SOX5: variants seen among roughly 807,000 people sequenced by gnomAD.
SOX5 encodes the protein SRY-box transcription factor 5, also known as transcription factor SOX-5.
Under a neutral mutation model 92.0 loss-of-function variants are expected in SOX5, and 9 were observed. The observed-to-expected ratio is 0.10, with a 90% CI of 0.06 to 0.17. The LOEUF (loss-of-function observed/expected upper bound fraction) is 0.17, where lower values mean the gene tolerates loss of function less well. Among genes scored for constraint, SOX5 ranks in the 10% least tolerant of loss-of-function variants. SOX5 has a pLI of 1.00. For missense variants in SOX5, 642 were observed against 944.5 expected (o/e 0.68, Z 4.20); for synonymous variants, 344 against 336.3 (o/e 1.02, Z -0.25).
intron 1 of SOX5, among the ~76,000 whole-genome samples, chr12:24,457,603 C>A (rs972747414): frequency 6.6e-6 from 1 of 151,968 alleles, no homozygotes; most frequent in Non-Finnish European, 1.5e-5. Flanking sequence ...TTATGAGCAC[C>A]AATTGTTATA....
intron 6 of SOX5, 151 bp downstream of exon 6, chr12:23,734,533 T>C (rs1458886530): frequency 1.6e-6 from 1 of 611,902 alleles, no homozygotes; most frequent in Non-Finnish European, 2.8e-6. Flanking sequence ...AGACACCATT[T>C]GCAAGATTTC....
intron 4 of SOX5, among the ~76,000 whole-genome samples, chr12:24,079,163 G>A (rs1253521943): frequency 1.3e-5 from 2 of 151,126 alleles, no homozygotes; most frequent in East Asian, 3.9e-4. Flanking sequence ...AAAAAAAGTA[G>A]GGTGGATAGA....
chr12:23,996,332 A>G (rs1002683421), intron 4 of SOX5, among the ~76,000 whole-genome samples: 1 of 152,220 alleles, frequency 6.6e-6, no homozygotes, highest in African/African-American at 2.4e-5. Flanking sequence ...TAATAAAAAT[A>G]TGGAAATTTC....
intron 1 of SOX5, among the ~76,000 whole-genome samples, chr12:24,416,081 G>T (rs955507652): frequency 6.6e-6 from 1 of 152,186 alleles, no homozygotes; most frequent in Non-Finnish European, 1.5e-5. Flanking sequence ...GACAGTGGGT[G>T]GTCTCTCCTG....
At chr12:24,331,814 C>T (rs11047369) in intron 2 of SOX5, among the ~76,000 whole-genome samples, 1 of 123,388 alleles carries the variant, frequency 8.1e-6, no homozygotes, top group Non-Finnish European at 1.6e-5. Context: ...TGCCACTGCA[C>T]TCCAACCAGC....
At chr12:23,950,909 C>T (rs1228915529), upstream of SOX5, 2 of 1,534,210 alleles carry the variant, frequency 1.3e-6, no homozygotes, top group Admixed American at 3.9e-5. Flanking sequence ...CCGTGCACCG[C>T]AGCATCTGGT....
intron 8 of SOX5, among the ~76,000 whole-genome samples, chr12:23,611,006 A>G (rs2137737648): frequency 6.6e-6 from 1 of 152,298 alleles, no homozygotes; most frequent in Non-Finnish European, 1.5e-5. Flanking sequence ...CGAATCTTAA[A>G]TATTTGTTAT....
intron 2 of SOX5, among the ~76,000 whole-genome samples, chr12:24,298,881 G>T (rs1474354200): frequency 6.6e-6 from 1 of 150,964 alleles, no homozygotes; most frequent in African/African-American, 2.4e-5. Flanking sequence ...GAGTGAGAAA[G>T]TTAACCACAT....
chr12:23,857,111 T>C (rs1242834971), intron 2 of SOX5, among the ~76,000 whole-genome samples: 1 of 152,088 alleles, frequency 6.6e-6, no homozygotes, highest in Non-Finnish European at 1.5e-5. Flanking sequence ...TTACAGTGCA[T>C]ATACACACAC....
At chr12:23,555,657 G>A (rs1487881741) in intron 11 of SOX5, among the ~76,000 whole-genome samples, 1 of 152,110 alleles carries the variant, frequency 6.6e-6, no homozygotes, top group African/African-American at 2.4e-5. Flanking sequence ...TGAAAATAAG[G>A]CATGTGGCCA....
At chr12:24,288,588 T>C (rs944696490) in intron 2 of SOX5, among the ~76,000 whole-genome samples, 2 of 152,158 alleles carry the variant, frequency 1.3e-5, no homozygotes, top group African/African-American at 4.8e-5. Context: ...AACAGTTTGC[T>C]TATAAGAGTG....
At chr12:23,943,991 A>T (rs1944123894) in intron 1 of SOX5, among the ~76,000 whole-genome samples, 1 of 152,136 alleles carries the variant, frequency 6.6e-6, no homozygotes, top group African/African-American at 2.4e-5. Flanking sequence ...ATTAAGGTTC[A>T]GTGGTTCCAA....
chr12:24,313,835 A>G (rs1949442612), intron 2 of SOX5, among the ~76,000 whole-genome samples: 1 of 152,228 alleles, frequency 6.6e-6, no homozygotes, highest in South Asian at 2.1e-4. Flanking sequence ...CTGGATATTT[A>G]ATAGGAATGG....
intron 3 of SOX5, among the ~76,000 whole-genome samples, chr12:23,778,276 T>C (rs529004420): frequency 3.2e-4 from 48 of 152,320 alleles, no homozygotes; most frequent in Non-Finnish European, 6.0e-4. Flanking sequence ...ACTAAAAGAA[T>C]AGTTGCTATT....
chr12:23,808,768 C>A (rs1020723278), intron 3 of SOX5, among the ~76,000 whole-genome samples: 1 of 152,078 alleles, frequency 6.6e-6, no homozygotes, highest in Admixed American at 6.5e-5. Flanking sequence ...TCCCCTGACA[C>A]TTAGAATGTC....
chr12:24,172,119 T>C (rs1288947717), intron 4 of SOX5, among the ~76,000 whole-genome samples: 2 of 152,020 alleles, frequency 1.3e-5, no homozygotes, highest in Non-Finnish European at 2.9e-5. Context: ...GTCTGTGTGC[T>C]GTAAGCAGGC....
intron 1 of SOX5, among the ~76,000 whole-genome samples, chr12:24,413,266 CTT>C (rs1486176464): frequency 6.6e-6 from 1 of 152,172 alleles, no homozygotes; most frequent in African/African-American, 2.4e-5. Context: ...ATTGTCATGT[CTT>C]TTTGGTGGAG....
chr12:23,727,484 A>T (rs1172139891), intron 6 of SOX5, among the ~76,000 whole-genome samples: 2 of 152,082 alleles, frequency 1.3e-5, no homozygotes, highest in Non-Finnish European at 2.9e-5. Flanking sequence ...AAATAACAGA[A>T]ATTGGCAGTT....
chr12:24,349,798 C>T (rs1315254140), intron 2 of SOX5, among the ~76,000 whole-genome samples: 2 of 152,150 alleles, frequency 1.3e-5, no homozygotes, highest in Non-Finnish European at 2.9e-5. Context: ...GATATATACA[C>T]AGAAGGGGGA....
Sources: allele counts gnomAD v4.1 joint callset (sites outside exome capture counted in the v4.1 genomes callset), GRCh38; gene constraint gnomAD v4.1.1; transcripts MANE v1.5; gene names NCBI Gene and HGNC (gene_info 2026-07-23, HGNC 2026-07-21).